The following GRPEL1 variants were observed in gnomAD, a reference collection of about 807,000 sequenced individuals.
GRPEL1 encodes GrpE like 1, mitochondrial.
GRPEL1 carries 13 observed loss-of-function variants against 22.1 expected under a neutral mutation model. That is an observed-to-expected ratio of 0.59 (90% CI 0.38 to 0.94). The LOEUF (loss-of-function observed/expected upper bound fraction) is 0.94. Ranked by LOEUF, GRPEL1 falls within the 40% of genes least tolerant of loss-of-function variation. The pLI, the probability that GRPEL1 is intolerant of heterozygous loss-of-function variation, is 0.00. For synonymous variants in GRPEL1, 109 were observed against 105.3 expected, an observed-to-expected ratio of 1.03 and a Z score of -0.21; for missense variants, 289 against 264.6, an observed-to-expected ratio of 1.09 and a Z score of -0.64.
intron 1 of GRPEL1, among the ~76,000 whole-genome samples, chr4:7,066,263 C>G (rs554315127): frequency 6.6e-6 from 1 of 152,182 alleles, no homozygotes; most frequent in African/African-American, 2.4e-5. Flanking sequence ...GCACTGCGAG[C>G]GACAAGTTGG....
rs919920773 is a variant in GRPEL1, at chr4:7,061,090, C to G, written c.426G>C (p.Glu142Asp). 1.2e-6 allele frequency: 2 copies of G among 1,614,222 alleles called. No homozygotes were observed. Among genetic ancestry groups the G allele is most frequent in the Non-Finnish European group, 1.7e-6 (2 of 1,180,048 alleles). ...DDNPHLKNLY[E>D]GLVMTEVQIQ... ...TCTGGACTTCAGTCATGACCAGCCC[C>G]TCATAGAGGTTCTTCAGGTGAGGGT... The change falls in exon 4 of 4, where the codon GAG (glutamate) becomes GAC (aspartate). Residue 142 changes from glutamate to aspartate, a missense_variant. Coordinates refer to ENST00000264954, the MANE Select transcript of GRPEL1 (RefSeq NM_025196.4).
chr4:7,064,908 C>A (rs983142229), intron 1 of GRPEL1, among the ~76,000 whole-genome samples: 1 of 152,212 alleles, frequency 6.6e-6, no homozygotes, highest in African/African-American at 2.4e-5. Context: ...GTTCCTCCCA[C>A]CTCAGCCTCC....
At chr4:7,066,485 T>C (rs999692465) in intron 1 of GRPEL1, among the ~76,000 whole-genome samples, 1 of 152,210 alleles carries the variant, frequency 6.6e-6, no homozygotes, top group African/African-American at 2.4e-5. Flanking sequence ...ATATCTTAGA[T>C]CTGTGGAAAG....
At chr4:7,063,916 C>T (rs905784372) in intron 2 of GRPEL1, 145 bp downstream of exon 2, 29 of 868,696 alleles carry the variant, frequency 3.3e-5, no homozygotes, top group Middle Eastern at 3.7e-4. Context: ...TTGGCAGTAA[C>T]TTGCCACCTG....
chr4:7,065,737 T>C (rs1263491087), intron 1 of GRPEL1, among the ~76,000 whole-genome samples: 1 of 151,898 alleles, frequency 6.6e-6, no homozygotes, highest in Non-Finnish European at 1.5e-5. Context: ...CAGGAAAGCA[T>C]GGGATATGTA....
In GRPEL1 at chr4:7,060,385, T is replaced by C. The variant is rs1026620641; in HGVS notation, c.*477A>G. 5.1e-5 allele frequency: 8 copies of C among 156,828 alleles called. No individual in the cohort carries two copies. The highest frequency in any genetic ancestry group is 4.9e-4 in the Admixed American group (8 of 16,418). 9.7% of individuals were successfully genotyped at this position (156,828 alleles called of 1,614,324 possible). ...GAACTCACTATGTTCTTCACAAAGA[T>C]CATTTTTTTTAAGTAAGAAAAATGT... is the stretch of plus-strand genomic sequence containing the variant. On this transcript the variant is annotated 3_prime_UTR_variant, in exon 4 of 4. Coordinates refer to ENST00000264954, the MANE Select transcript of GRPEL1 (RefSeq NM_025196.4).
chr4:7,067,837 C>T, intron 1 of GRPEL1, 134 bp downstream of exon 1: 1 of 893,784 alleles, frequency 1.1e-6, no homozygotes, highest in Non-Finnish European at 1.7e-6. Flanking sequence ...CGTCCCGCGG[C>T]GGGGAACCGC....
At chr4:7,063,563 T>A (rs540868317) in intron 2 of GRPEL1, among the ~76,000 whole-genome samples, 5 of 152,198 alleles carry the variant, frequency 3.3e-5, no homozygotes, top group African/African-American at 1.2e-4. Flanking sequence ...TGTAACGGGT[T>A]TGGAATGGTG....
At chr4:7,066,339 G>T (rs1436107849) in intron 1 of GRPEL1, among the ~76,000 whole-genome samples, 1 of 152,218 alleles carries the variant, frequency 6.6e-6, no homozygotes, top group Non-Finnish European at 1.5e-5. Flanking sequence ...ATATTATGCA[G>T]CTCCTAAAAA....
chr4:7,062,448 A>G lies in GRPEL1; in HGVS notation c.244T>C (p.Leu82=). 1 of 1,571,082 alleles carries G rather than the reference A, an allele frequency of 6.4e-7. No homozygotes were observed. Among genetic ancestry groups the G allele is most frequent in the South Asian group, 1.2e-5 (1 of 85,550 alleles). ...TGCCGTAAGTTCTCAGTGTCTGCCA[A>G]AGCTCGTTTATATTTTTCCTAAAAG... The part of the protein sequence containing the change: ...KETVEKYKRA[L]ADTENLRQRS... The change falls in exon 3 of 4, where the codon TTG becomes CTG. Residue 82 remains leucine (L), a synonymous_variant. Coordinates refer to ENST00000264954, the MANE Select transcript of GRPEL1 (RefSeq NM_025196.4).
At chr4:7,065,663 A>C (rs1724149491) in intron 1 of GRPEL1, among the ~76,000 whole-genome samples, 1 of 152,184 alleles carries the variant, frequency 6.6e-6, no homozygotes, top group African/African-American at 2.4e-5. Context: ...AAGGGATCAG[A>C]GGTGGGACAA....
At chr4:7,067,881 C>T in intron 1 of GRPEL1, 90 bp downstream of exon 1, 2 of 1,398,140 alleles carry the variant, frequency 1.4e-6, no homozygotes, top group Non-Finnish European at 2.0e-6. Flanking sequence ...GGGCCGAGGC[C>T]GGGAAGGAGG....
chr4:7,061,391 G>A (rs572485114), intron 3 of GRPEL1, 183 bp from the exon 4 acceptor site: 42 of 574,692 alleles, frequency 7.3e-5, no homozygotes, highest in African/African-American at 5.4e-4. Context: ...CTTGTGGGAT[G>A]AGACCCAGAA....
intron 1 of GRPEL1, among the ~76,000 whole-genome samples, chr4:7,066,763 G>A (rs1312722491): frequency 6.6e-6 from 1 of 152,150 alleles, no homozygotes; most frequent in Non-Finnish European, 1.5e-5. Flanking sequence ...CACACCCGGG[G>A]CCATCTCGTT....
Position 7,061,190 on chromosome 4 carries a change from T to C in GRPEL1, c.326A>G (p.Lys109Arg). 6.2e-7 allele frequency: 1 copy of C among 1,611,146 alleles called. No individual in the cohort carries two copies. ...AACGTCTGCCACCTCCAACAAGTCC[T>C]TGCAGAAGGCTTGAATGCCTGGATG... ...AKLYGIQAFC[K>R]DLLEVADVLE... Residue 109 changes from lysine (K) to arginine (R), a missense_variant, in exon 4 of 4, where the codon AAG becomes AGG. By Grantham distance (26) the Lys-to-Arg change is conservative. Coordinates refer to ENST00000264954, the MANE Select transcript of GRPEL1 (RefSeq NM_025196.4).
chr4:7,065,854 C>CTT (rs1491155294), intron 1 of GRPEL1, among the ~76,000 whole-genome samples: 1 of 82,332 alleles, frequency 1.2e-5, no homozygotes, highest in Admixed American at 1.4e-4. Context: ...ACCAGAGGAC[C>CTT]TCTTTTTTTT....
At position 7,060,586 on chromosome 4, in the gene GRPEL1, C is replaced by T. The variant is rs751853352; in HGVS notation, c.*276G>A. The T allele has an allele frequency of 2.0e-4, 92 of 471,680 alleles. No individual in the cohort carries two copies. Among genetic ancestry groups the T allele is most frequent in the Middle Eastern group, 5.7e-4 (1 of 1,764 alleles). 29.2% of individuals were successfully genotyped at this position (471,680 alleles called of 1,614,324 possible). A position where few individuals can be genotyped will look rare whatever the true frequency, so the allele number is the denominator to read the frequency against. On this transcript the variant is annotated 3_prime_UTR_variant, in exon 4 of 4. Coordinates refer to ENST00000264954, the MANE Select transcript of GRPEL1 (RefSeq NM_025196.4). The stretch of plus-strand genomic sequence containing the variant: ...GGTGTCAGCAGAGTCTGAGCAGACA[C>T]GTTACTCATGATGCTCGGGAGACCA...
At position 7,068,019 on chromosome 4, in the gene GRPEL1, C is replaced by T. The variant is rs565098209; in HGVS notation, c.14G>A (p.Cys5Tyr). ...AAGACTGCGCCGCGCCAACCTCACG[C>T]ACTGAGCCGCCATGACTGCCACTGC... MAAQ[C>Y]VRLARRSLPA... Residue 5 changes from cysteine to tyrosine, a missense_variant, in exon 1 of 4, where the codon TGC becomes TAC. Cys to Tyr is a radical substitution (Grantham distance 194, BLOSUM62 -2). Transcript: ENST00000264954. 6.2e-7 allele frequency: 1 copy of T among 1,612,466 alleles called. No homozygotes were observed. The highest frequency in any genetic ancestry group is 1.3e-5 in the African/African-American group (1 of 75,060).
intron 1 of GRPEL1, 116 bp downstream of exon 1, chr4:7,067,855 G>A (rs904533275): frequency 4.7e-5 from 51 of 1,081,284 alleles, no homozygotes; most frequent in Middle Eastern, 5.9e-4. Flanking sequence ...CGCGAGCCCG[G>A]AGATGCCCAG....
Sources: gnomAD v4.1 joint callset for allele counts (sites outside exome capture counted in the v4.1 genomes callset) on GRCh38, gnomAD v4.1.1 for gene constraint, MANE v1.5 for transcripts, NCBI Gene and HGNC (gene_info 2026-07-23, HGNC 2026-07-21) for gene names.